Variants in CPLX4 observed in about 807,000 individuals in gnomAD.
CPLX4 encodes the protein complexin-4.
A neutral mutation model predicts 16.1 loss-of-function variants in CPLX4; 17 were observed. The ratio of observed to expected loss-of-function variants is 1.06; its 90% CI spans 0.72 to 1.59. CPLX4 has a LOEUF of 1.59. Ranked by LOEUF, CPLX4 falls within the 40% of genes most tolerant of loss-of-function variation. The pLI is 0.00. For missense variants in CPLX4, 193 were observed against 192.9 expected, an observed-to-expected ratio of 1.00 and a Z score of 0.00; for synonymous variants, 55 against 57.8, an observed-to-expected ratio of 0.95 and a Z score of 0.22.
Position 59,318,359 on chromosome 18 carries a change from G to A in CPLX4, c.104C>T (p.Ala35Val). The A allele has an allele frequency of 6.2e-7, 1 of 1,613,852 alleles. No homozygotes were observed. The highest frequency in any genetic ancestry group is 2.2e-5 in the East Asian group (1 of 44,868). The change falls in exon 1 of 3, where the codon GCA becomes GTA. Residue 35 changes from alanine (A) to valine (V), a missense_variant. By Grantham distance (64) the Ala-to-Val change is moderately conservative. Coordinates refer to ENST00000299721, the MANE Select transcript of CPLX4 (RefSeq NM_181654.4). The stretch of plus-strand genomic sequence containing the variant: ...CTCTCTAGTCATCCCTTGAGCTGCT[G>A]CAGGATCAGATGCACCTCCTTCTTC... ...NKEEGGASDP[A>V]AAQGMTREEY...
chr18:59,301,728 C>T (rs1274711907), intron 2 of CPLX4, among the ~76,000 whole-genome samples: 1 of 152,238 alleles, frequency 6.6e-6, no homozygotes, highest in East Asian at 1.9e-4. Context: ...CCTATCCAAA[C>T]CGTTTTCTGG....
intron 1 of CPLX4, among the ~76,000 whole-genome samples, chr18:59,317,771 C>A (rs1485634796): frequency 6.7e-6 from 1 of 149,268 alleles, no homozygotes; most frequent in East Asian, 1.9e-4. Context: ...CATTCATAGT[C>A]TTTGATAAGC....
intron 1 of CPLX4, among the ~76,000 whole-genome samples, chr18:59,315,008 A>T (rs546525854): frequency 6.6e-6 from 1 of 152,310 alleles, no homozygotes; most frequent in African/African-American, 2.4e-5. Context: ...CATATATTTT[A>T]ATTTCTACTG....
intron 2 of CPLX4, among the ~76,000 whole-genome samples, chr18:59,309,837 A>AG (rs1210301341): frequency 4.3e-5 from 5 of 115,928 alleles, no homozygotes; most frequent in African/African-American, 1.2e-4. Context: ...AAAAAAAAAA[A>AG]AAAAAGAAAA....
intron 1 of CPLX4, among the ~76,000 whole-genome samples, chr18:59,316,717 C>T (rs1430864412): frequency 3.9e-5 from 6 of 152,128 alleles, no homozygotes; most frequent in Non-Finnish European, 8.8e-5. Context: ...CCATTTTGAG[C>T]TTTGATCTGT....
chr18:59,308,634 C>T (rs1049691532), intron 2 of CPLX4, among the ~76,000 whole-genome samples: 61 of 151,738 alleles, frequency 4.0e-4, no homozygotes, highest in African/African-American at 1.5e-3. Context: ...CCGCCTCCCG[C>T]GGGTGCCAGT....
At chr18:59,302,535 A>T (rs2070549012) in intron 2 of CPLX4, among the ~76,000 whole-genome samples, 1 of 152,196 alleles carries the variant, frequency 6.6e-6, no homozygotes, top group Admixed American at 6.5e-5. Context: ...TCAATTTGGG[A>T]TATTGTTTAA....
At chr18:59,301,787 T>C (rs764377592) in intron 2 of CPLX4, among the ~76,000 whole-genome samples, 3 of 152,218 alleles carry the variant, frequency 2.0e-5, no homozygotes, top group Non-Finnish European at 4.4e-5. Context: ...GAGTTAGACA[T>C]GGGTTTGAGT....
rs2070499502 is a variant in CPLX4, at chr18:59,296,229, TGCCC to T, written c.*465_*468del. 5.8e-6 allele frequency: 1 copy of T among 173,282 alleles called. No homozygotes were observed. Among genetic ancestry groups the T allele is most frequent in the Non-Finnish European group, 1.2e-5 (1 of 83,480 alleles). The allele number at this position is 173,282 out of a possible 1,614,324, so 10.7% of individuals were successfully genotyped here. A position where few individuals can be genotyped will look rare whatever the true frequency, so the allele number is the denominator to read the frequency against. On this transcript the variant is annotated 3_prime_UTR_variant, in exon 3 of 3. Transcript: ENST00000299721. ...AGGGGTGGGGGTGGTGACCTTTGATTGCCCTGGAGTCTGTAGACTCAGCTCCCTG... is the reference window on the plus strand; with the variant it reads ...AGGGGTGGGGGTGGTGACCTTTGATTTGGAGTCTGTAGACTCAGCTCCCTG...
chr18:59,313,269 G>A (rs1244250070), intron 1 of CPLX4, among the ~76,000 whole-genome samples: 1 of 152,138 alleles, frequency 6.6e-6, no homozygotes, highest in African/African-American at 2.4e-5. Context: ...GAAGACCGTT[G>A]TTGTTGGGGG....
At chr18:59,310,070 T>A (rs2070606636) in intron 2 of CPLX4, among the ~76,000 whole-genome samples, 2 of 151,974 alleles carry the variant, frequency 1.3e-5, no homozygotes, top group African/African-American at 4.8e-5. Flanking sequence ...AGCTTTATGG[T>A]CTCTTTCATG....
At chr18:59,301,114 C>T (rs1023958631) in intron 2 of CPLX4, among the ~76,000 whole-genome samples, 1 of 152,234 alleles carries the variant, frequency 6.6e-6, no homozygotes, top group Non-Finnish European at 1.5e-5. Flanking sequence ...CCCCACTCCT[C>T]AGGCCTAGTC....
chr18:59,309,845 A>AG (rs1568106479), intron 2 of CPLX4, among the ~76,000 whole-genome samples: 1 of 69,502 alleles, frequency 1.4e-5, no homozygotes, highest in African/African-American at 5.4e-5. Context: ...AAAAAAAAGA[A>AG]AAAGAAAAAA....
At chr18:59,298,628 G>A (rs996938289) in intron 2 of CPLX4, among the ~76,000 whole-genome samples, 1 of 149,870 alleles carries the variant, frequency 6.7e-6, no homozygotes, top group African/African-American at 2.4e-5. Flanking sequence ...GTTAAAGACA[G>A]CACCTAAAGA....
chr18:59,317,237 C>G (rs1309009869), intron 1 of CPLX4, among the ~76,000 whole-genome samples: 2 of 152,086 alleles, frequency 1.3e-5, no homozygotes, highest in African/African-American at 4.8e-5. Context: ...AGGATTTAGG[C>G]AACTATTATG....
Position 59,306,061 on chromosome 18 carries a change from A to AAGAAGAAGG in CPLX4, c.255+6615_255+6623dup, listed in dbSNP as rs144182051. Among the ~76,000 whole-genome samples the AAGAAGAAGG allele has an allele frequency of 0.017, 2,564 of 152,292 alleles. 187 individuals carry two copies. The East Asian group carries it at 0.25, about 15-fold the overall frequency. On this transcript the variant is annotated intron_variant, in intron 2 of 2. Transcript: ENST00000299721. The stretch of plus-strand genomic sequence containing the variant: ...ATTTAGACAGACCCTGAACATCTGG[A>AAGAAGAAGG]AGAAGAAGGTTTCAGCAGAGCAGTG...
intron 2 of CPLX4, among the ~76,000 whole-genome samples, chr18:59,301,729 C>T (rs1056409938): frequency 1.3e-5 from 2 of 152,202 alleles, no homozygotes; most frequent in Admixed American, 6.5e-5. Flanking sequence ...CTATCCAAAC[C>T]GTTTTCTGGT....
At chr18:59,307,124 TGAG>T (rs2070581948) in intron 2 of CPLX4, among the ~76,000 whole-genome samples, 2 of 152,204 alleles carry the variant, frequency 1.3e-5, no homozygotes, top group South Asian at 4.2e-4. Context: ...TAGAGGGATA[TGAG>T]GAGAAGGGGG....
At chr18:59,314,495 C>T (rs2070639430) in intron 1 of CPLX4, among the ~76,000 whole-genome samples, 1 of 152,088 alleles carries the variant, frequency 6.6e-6, no homozygotes, top group Non-Finnish European at 1.5e-5. Flanking sequence ...TATAGTTTCT[C>T]TTTTCTTCTT....
Sources: gnomAD v4.1 joint callset for allele counts (sites outside exome capture counted in the v4.1 genomes callset) on GRCh38, gnomAD v4.1.1 for gene constraint, MANE v1.5 for transcripts, NCBI Gene and HGNC (gene_info 2026-07-23, HGNC 2026-07-21) for gene names.